The following DMD variants were observed in gnomAD, a reference collection of about 807,000 sequenced individuals.
DMD encodes mutant dystrophin.
Under a neutral mutation model 330.1 loss-of-function variants are expected in DMD, and 63 were observed. That is an observed-to-expected ratio of 0.19 (90% CI 0.16 to 0.24). DMD has a LOEUF of 0.24. Ranked by LOEUF, DMD falls within the 10% of genes least tolerant of loss-of-function variation. The pLI is 1.00. For missense variants in DMD, 3,344 were observed against 2,684.1 expected, an observed-to-expected ratio of 1.25 and a Z score of -5.43; for synonymous variants, 1,223 against 959.8, an observed-to-expected ratio of 1.27 and a Z score of -5.07.
At chrX:33,291,263 A>G (rs2053507086) in intron 1 of DMD, among the ~76,000 whole-genome samples, 1 of 111,644 alleles carries the variant, frequency 9.0e-6, no homozygotes, top group Non-Finnish European at 1.9e-5. Context: ...TCTTAAAACA[A>G]TAAGAGCTAT....
intron 1 of DMD, among the ~76,000 whole-genome samples, chrX:33,024,497 G>A (rs1351886526): frequency 2.7e-5 from 3 of 111,666 alleles, no homozygotes; most frequent in Non-Finnish European, 3.8e-5. Context: ...TCTCTACGGG[G>A]AAATCCCATA....
chrX:31,576,872 C>T (rs772180666), intron 55 of DMD, among the ~76,000 whole-genome samples: 10 of 109,948 alleles, frequency 9.1e-5, no homozygotes, highest in Non-Finnish European at 1.7e-4. Flanking sequence ...CCCACCACCA[C>T]GCCCGGCTAA....
intron 44 of DMD, among the ~76,000 whole-genome samples, chrX:31,976,110 C>T (rs1870321): frequency 0.36 from 39,452 of 108,902 alleles, 5,578 homozygotes; most frequent in African/African-American, 0.52. Context: ...GGAGACCAAG[C>T]AGGAGATATC....
chrX:32,147,031 G>A (rs779700791), intron 44 of DMD, among the ~76,000 whole-genome samples: 31 of 111,589 alleles, frequency 2.8e-4, no homozygotes, highest in African/African-American at 5.2e-4. Context: ...ATAAATTATC[G>A]TTTAATTTTT....
intron 55 of DMD, among the ~76,000 whole-genome samples, chrX:31,557,773 T>G (rs1485022206): frequency 2.7e-5 from 3 of 111,119 alleles, no homozygotes; most frequent in Non-Finnish European, 5.7e-5. Context: ...GGAAATAAGA[T>G]TCTAACTAGC....
At chrX:33,166,654 A>G (rs1287676270) in intron 1 of DMD, among the ~76,000 whole-genome samples, 1 of 110,876 alleles carries the variant, frequency 9.0e-6, no homozygotes, top group Non-Finnish European at 1.9e-5. Context: ...TTTTTAAAAC[A>G]TTGCTTCTTC....
At chrX:32,319,563 C>T (rs1208619359) in intron 41 of DMD, among the ~76,000 whole-genome samples, 1 of 111,668 alleles carries the variant, frequency 9.0e-6, no homozygotes, top group African/African-American at 3.2e-5. Context: ...TTTTATAATG[C>T]AATCTTTATT....
chrX:31,541,180 A>G (rs1272694397), intron 55 of DMD, among the ~76,000 whole-genome samples: 1 of 111,774 alleles, frequency 8.9e-6, no homozygotes, highest in Non-Finnish European at 1.9e-5. Context: ...GAAGTTTAAC[A>G]AATTTTTATT....
chrX:32,287,432 C>G, intron 43 of DMD, 97 bp downstream of exon 43: 1 of 842,403 alleles, frequency 1.2e-6, no homozygotes, highest in Admixed American at 2.5e-5. Flanking sequence ...TTCTTTTTCC[C>G]TGTCTTTTTT....
At chrX:32,778,870 AT>A (rs1219766921) in intron 7 of DMD, among the ~76,000 whole-genome samples, 94 of 97,176 alleles carry the variant, frequency 9.7e-4, no homozygotes, top group African/African-American at 5.3e-3. Context: ...CCCCTGTGTC[AT>A]GTATCATGTA....
chrX:31,266,200 A>AT (rs1238278693), intron 62 of DMD, among the ~76,000 whole-genome samples: 3 of 95,602 alleles, frequency 3.1e-5, no homozygotes, highest in Non-Finnish European at 6.3e-5. Context: ...ACAAACAAAA[A>AT]TCCCCACCCC....
rs189641797 is a variant in DMD, at chrX:32,300,924, T to C, written c.6117+9158A>G. On this transcript the variant is annotated intron_variant, in intron 42 of 78. Transcript: ENST00000357033. Reference sequence around the variant, plus strand: ...TATACTTTTTAATTCTATTTACATATGCAATCATGAGCATCTTATTATTTT... The same window carrying C: ...TATACTTTTTAATTCTATTTACATACGCAATCATGAGCATCTTATTATTTT... 3.6e-5 allele frequency among the ~76,000 whole-genome samples: 4 copies of C among 111,061 alleles called. No homozygotes were observed. In the East Asian group the frequency reaches 1.1e-3, roughly 31 times the overall value.
intron 60 of DMD, among the ~76,000 whole-genome samples, chrX:31,416,377 T>A (rs1402918131): frequency 1.8e-5 from 2 of 112,369 alleles, no homozygotes; most frequent in Non-Finnish European, 3.7e-5. Context: ...ATGGATTAAC[T>A]AAAATATTTT....
chrX:31,814,264 G>A (rs1018489194), intron 50 of DMD, among the ~76,000 whole-genome samples: 7 of 108,256 alleles, frequency 6.5e-5, no homozygotes, highest in African/African-American at 1.7e-4. Context: ...GGCGGATCAC[G>A]AGGTCAGGAG....
intron 63 of DMD, among the ~76,000 whole-genome samples, chrX:31,226,182 A>G (rs1237657784): frequency 8.9e-6 from 1 of 111,949 alleles, no homozygotes; most frequent in Non-Finnish European, 1.9e-5. Context: ...TTTTACTAAG[A>G]GCCTCTGGTG....
chrX:31,679,326 A>G (rs2082249447), intron 53 of DMD, 49 bp downstream of exon 53: 2 of 1,013,197 alleles, frequency 2.0e-6, no homozygotes, highest in Admixed American at 2.6e-5. Flanking sequence ...GTATAATTTT[A>G]TCAAATGTAA....
chrX:32,520,619 G>A (rs1443662445), intron 17 of DMD, among the ~76,000 whole-genome samples: 1 of 111,480 alleles, frequency 9.0e-6, no homozygotes, highest in Non-Finnish European at 1.9e-5. Context: ...GGGGTTCCCT[G>A]CATGATTGAG....
chrX:31,265,707 A>AT (rs2050972182), intron 62 of DMD, among the ~76,000 whole-genome samples: 1 of 101,516 alleles, frequency 9.9e-6, no homozygotes, highest in Non-Finnish European at 2.0e-5. Flanking sequence ...CCAACAGCAA[A>AT]TGTATCCTCC....
intron 76 of DMD, among the ~76,000 whole-genome samples, chrX:31,139,297 C>T (rs911306858): frequency 9.0e-6 from 1 of 111,445 alleles, no homozygotes; most frequent in East Asian, 2.8e-4. Context: ...ACCATTTGAT[C>T]CAGCAGTCCC....
Sources: allele counts gnomAD v4.1 joint callset (sites outside exome capture counted in the v4.1 genomes callset), GRCh38; gene constraint gnomAD v4.1.1; transcripts MANE v1.5; gene names NCBI Gene and HGNC (gene_info 2026-07-23, HGNC 2026-07-21).